The following TEX9 variants were observed in gnomAD, a reference collection of about 807,000 sequenced individuals.
The protein encoded by TEX9 is testis expressed 9.
Under a neutral mutation model 59.6 loss-of-function variants are expected in TEX9, and 74 were observed. That is an observed-to-expected ratio of 1.24 (90% confidence interval 1.03 to 1.51). The LOEUF is 1.51. Among genes scored for constraint, TEX9 ranks in the 40% most tolerant of loss-of-function variants. TEX9 has a pLI of 0.00. For missense variants in TEX9, 522 were observed against 447.8 expected, an observed-to-expected ratio of 1.17 and a Z score of -1.49; for synonymous variants, 186 against 152.2, an observed-to-expected ratio of 1.22 and a Z score of -1.64.
rs527684736 is a variant in TEX9 at position 56,323,575 on chromosome 15, A to G, written c.-106-49866A>G. The G allele has an allele frequency of 6.8e-5, 11 of 162,892 alleles. No individual in the cohort carries two copies. In the South Asian group the frequency reaches 1.7e-3, roughly 25 times the overall value. The allele number at this position is 162,892 out of a possible 1,614,324, so 10.1% of individuals were successfully genotyped here. A position where few individuals can be genotyped will look rare whatever the true frequency, so the allele number is the denominator to read the frequency against. The stretch of plus-strand genomic sequence containing the variant: ...TGTGAAAAGGATATTGCTGCATACC[A>G]AGCTAAAGAAAAGCCTGATGCAGCA... On this transcript the variant is annotated intron_variant, in intron 1 of 5. Transcript: ENST00000560827.
chr15:56,291,308 A>C (rs1410245338), intron 1 of TEX9, among the ~76,000 whole-genome samples: 1 of 152,190 alleles, frequency 6.6e-6, no homozygotes, highest in Non-Finnish European at 1.5e-5. Flanking sequence ...AGGACCAACG[A>C]TGCTTGTTTT....
At chr15:56,277,535 A>G (rs2044702417) in intron 1 of TEX9, among the ~76,000 whole-genome samples, 1 of 152,032 alleles carries the variant, frequency 6.6e-6, no homozygotes, top group Non-Finnish European at 1.5e-5. Context: ...TGGTCTATAG[A>G]TCTGTTTTGG....
In TEX9 at chr15:56,389,929, A is replaced by G. The variant is rs145133288; in HGVS notation, c.395+529A>G. ...AGGGACCCAAGATGCTCCCTAGGAT[A>G]GGATGCCTTCTAGAAAAGGTGGAGG... On this transcript the variant is annotated intron_variant, in intron 6 of 12. Transcript: ENST00000352903. Among the ~76,000 whole-genome samples the G allele has an allele frequency of 1.1e-3, 162 of 152,094 alleles. 1 individual carries two copies. Among genetic ancestry groups the G allele is most frequent in the Non-Finnish European group, 1.8e-3 (119 of 67,910 alleles).
At chr15:56,394,486 T>C in intron 8 of TEX9, 175 bp from the exon 9 acceptor site, 1 of 631,918 alleles carries the variant, frequency 1.6e-6, no homozygotes. Flanking sequence ...TAGTGTAAGC[T>C]ATTAAATGCA....
intron 10 of TEX9, among the ~76,000 whole-genome samples, chr15:56,426,626 TAC>T (rs1186314291): frequency 0.02 from 937 of 47,088 alleles, 54 homozygotes; most frequent in South Asian, 0.096. Flanking sequence ...TATATATATA[TAC>T]ACACACACAA....
chr15:56,434,052 G>T, intron 12 of TEX9: 1 of 1,385,466 alleles, frequency 7.2e-7, no homozygotes, highest in Non-Finnish European at 9.8e-7. Flanking sequence ...GGCATATAAA[G>T]CTTCTCAGTA....
chr15:56,370,787 T>C (rs1038238507), intron 2 of TEX9, among the ~76,000 whole-genome samples: 4 of 152,204 alleles, frequency 2.6e-5, no homozygotes, highest in African/African-American at 9.7e-5. Context: ...CTTCATGAGA[T>C]CCATGTCTTC....
chr15:56,312,642 C>T (rs370253610), intron 1 of TEX9, among the ~76,000 whole-genome samples: 2 of 141,438 alleles, frequency 1.4e-5, no homozygotes, highest in African/African-American at 5.4e-5. Flanking sequence ...TTTTTTGGTT[C>T]CATATGAACT....
intron 1 of TEX9, among the ~76,000 whole-genome samples, chr15:56,286,684 G>A (rs553156721): frequency 1.7e-4 from 26 of 152,150 alleles, no homozygotes; most frequent in Non-Finnish European, 3.4e-4. Context: ...CTCCAAGAAT[G>A]GCAGAGGTCA....
chr15:56,285,055 T>C (rs1387474022), intron 1 of TEX9, among the ~76,000 whole-genome samples: 1 of 152,174 alleles, frequency 6.6e-6, no homozygotes, highest in Non-Finnish European at 1.5e-5. Flanking sequence ...CTCTTTTAAA[T>C]CATCGTTCAT....
chr15:56,333,616 AAG>A lies in TEX9; in HGVS notation c.-106-39823_-106-39822del, dbSNP rs1230552888. ...AAGCCTTTCATCTAAGAGCTGGAAC[AAG>A]ACAAAGATGCCCACTTGCACCCTGT... is the stretch of plus-strand genomic sequence containing the variant. On this transcript the variant is annotated intron_variant, in intron 1 of 5. Transcript: ENST00000560827. 2.6e-5 allele frequency among the ~76,000 whole-genome samples: 4 copies of A among 152,176 alleles called. No individual in the cohort carries two copies. The East Asian group carries it at 7.7e-4, about 29-fold the overall frequency.
intron 1 of TEX9, among the ~76,000 whole-genome samples, chr15:56,253,885 G>C (rs899738158): frequency 6.6e-6 from 1 of 152,084 alleles, no homozygotes; most frequent in Non-Finnish European, 1.5e-5. Context: ...CAAGTGACTT[G>C]AGACTTGCCC....
intron 1 of TEX9, among the ~76,000 whole-genome samples, chr15:56,319,419 C>G (rs376303103): frequency 1.3e-5 from 2 of 151,798 alleles, no homozygotes; most frequent in South Asian, 2.1e-4. Flanking sequence ...GTGGGCATTT[C>G]AACCCTTCTG....
chr15:56,251,455 A>T (rs2044014713), intron 1 of TEX9, among the ~76,000 whole-genome samples: 1 of 152,162 alleles, frequency 6.6e-6, no homozygotes, highest in Non-Finnish European at 1.5e-5. Flanking sequence ...ACAGTGGCTT[A>T]TGAGCTGACT....
chr15:56,419,798 A>T (rs1596226349), intron 10 of TEX9, among the ~76,000 whole-genome samples: 1 of 152,008 alleles, frequency 6.6e-6, no homozygotes, highest in East Asian at 1.9e-4. Flanking sequence ...CTTCCAAATC[A>T]TTCTTCTGGA....
downstream of TEX9, chr15:56,447,318 A>G: frequency 6.3e-6 from 1 of 158,820 alleles, no homozygotes; most frequent in Non-Finnish European, 1.4e-5. Flanking sequence ...TACATTTTAG[A>G]ATCAGCTTGT....
chr15:56,265,870 G>A (rs1389721641), intron 1 of TEX9, among the ~76,000 whole-genome samples: 1 of 151,974 alleles, frequency 6.6e-6, no homozygotes, highest in Non-Finnish European at 1.5e-5. Context: ...TATTGTTCAG[G>A]CTTTTTAATC....
intron 1 of TEX9, among the ~76,000 whole-genome samples, chr15:56,356,444 C>G (rs2046686454): frequency 6.6e-6 from 1 of 152,066 alleles, no homozygotes; most frequent in Non-Finnish European, 1.5e-5. Context: ...CTTGTTTGCT[C>G]ACCATTCTTC....
intron 1 of TEX9, among the ~76,000 whole-genome samples, chr15:56,349,592 C>T (rs2046536993): frequency 6.6e-6 from 1 of 152,098 alleles, no homozygotes; most frequent in African/African-American, 2.4e-5. Flanking sequence ...GAAACCCACA[C>T]CCTGCTATTC....
Sources: allele counts gnomAD v4.1 joint callset (sites outside exome capture counted in the v4.1 genomes callset), GRCh38; gene constraint gnomAD v4.1.1; transcripts MANE v1.5; gene names NCBI Gene and HGNC (gene_info 2026-07-23, HGNC 2026-07-21).